TTC28: variants seen among roughly 807,000 people sequenced by gnomAD.
TTC28 encodes tetratricopeptide repeat domain 28.
TTC28 carries 61 observed loss-of-function variants against 198.0 expected under a neutral mutation model. The ratio of observed to expected loss-of-function variants is 0.31; its 90% confidence interval spans 0.25 to 0.38. The LOEUF (loss-of-function observed/expected upper bound fraction) is 0.38. TTC28 is among the 10% of genes least tolerant of loss of function. TTC28 has a pLI of 1.00. For missense variants in TTC28, 2,678 were observed against 3,164.0 expected (o/e 0.85, Z 3.69); for synonymous variants, 1,171 against 1,297.8 (o/e 0.90, Z 2.10).
chr22:28,268,406 G>A (rs1202349354), intron 5 of TTC28, among the ~76,000 whole-genome samples: 1 of 152,166 alleles, frequency 6.6e-6, no homozygotes, highest in Non-Finnish European at 1.5e-5. Context: ...CATGAGGTTA[G>A]GTAAAAATCT....
chr22:28,170,858 C>T (rs1367759369), intron 5 of TTC28, among the ~76,000 whole-genome samples: 1 of 152,082 alleles, frequency 6.6e-6, no homozygotes, highest in African/African-American at 2.4e-5. Flanking sequence ...CTCACCACCC[C>T]CTCTCAGGCT....
At chr22:28,400,764 T>A (rs977504720) in intron 2 of TTC28, among the ~76,000 whole-genome samples, 5 of 152,182 alleles carry the variant, frequency 3.3e-5, no homozygotes, top group African/African-American at 1.2e-4. Flanking sequence ...GCTAAAATAT[T>A]TAGGATAGCC....
intron 5 of TTC28, among the ~76,000 whole-genome samples, chr22:28,256,114 C>T (rs923563126): frequency 2.7e-5 from 4 of 150,760 alleles, no homozygotes; most frequent in African/African-American, 4.9e-5. Flanking sequence ...AAGGTTGAGG[C>T]CTTTTAAAAA....
intron 2 of TTC28, among the ~76,000 whole-genome samples, chr22:28,436,385 T>C (rs1485463677): frequency 6.6e-6 from 1 of 152,174 alleles, no homozygotes; most frequent in Non-Finnish European, 1.5e-5. Flanking sequence ...ACAGCTTCAG[T>C]ACAGGGCTAC....
intron 12 of TTC28, among the ~76,000 whole-genome samples, chr22:28,091,332 T>C (rs545663108): frequency 1.3e-5 from 2 of 152,278 alleles, no homozygotes; most frequent in East Asian, 3.9e-4. Context: ...AATCTAGATA[T>C]CTGGAAATTT....
intron 2 of TTC28, among the ~76,000 whole-genome samples, chr22:28,526,922 A>G (rs945022717): frequency 9.2e-5 from 14 of 151,754 alleles, no homozygotes; most frequent in Middle Eastern, 3.2e-3. Context: ...ATGCCTGGCT[A>G]ATTTTTGTAT....
In TTC28 at chr22:28,478,148, G is replaced by C. The variant is rs1448755685; in HGVS notation, c.381+151404C>G. Among the ~76,000 whole-genome samples, 3 of 152,212 alleles carry C rather than the reference G, an allele frequency of 2.0e-5. No individual in the cohort carries two copies. In the East Asian group the frequency reaches 5.8e-4, roughly 29 times the overall value. On this transcript the variant is annotated intron_variant, in intron 2 of 22. Transcript: ENST00000397906. ...CAAGTGGAAGTTTAAACATACACTAGACATTTGGTGATATTAAAGAACCAT... is the reference window on the plus strand; with the variant it reads ...CAAGTGGAAGTTTAAACATACACTACACATTTGGTGATATTAAAGAACCAT...
intron 6 of TTC28, among the ~76,000 whole-genome samples, chr22:28,137,616 T>A (rs1309542940): frequency 6.6e-6 from 1 of 152,008 alleles, no homozygotes; most frequent in Non-Finnish European, 1.5e-5. Context: ...TCTGCCTGCA[T>A]GAATAATCCA....
intron 5 of TTC28, among the ~76,000 whole-genome samples, chr22:28,263,083 C>A (rs1348267974): frequency 1.3e-5 from 2 of 152,048 alleles, no homozygotes; most frequent in East Asian, 1.9e-4. Context: ...TTTAAGAAAG[C>A]CCTAAAATTG....
At chr22:28,149,158 C>T (rs1290010058) in intron 6 of TTC28, among the ~76,000 whole-genome samples, 1 of 152,130 alleles carries the variant, frequency 6.6e-6, no homozygotes, top group Admixed American at 6.5e-5. Flanking sequence ...ACCTGTACAG[C>T]ATGTTGCTGT....
intron 2 of TTC28, among the ~76,000 whole-genome samples, chr22:28,564,105 T>C (rs1301645551): frequency 3.3e-5 from 5 of 152,106 alleles, no homozygotes; most frequent in Non-Finnish European, 5.9e-5. Context: ...AGAATGTAGA[T>C]TGGTGGTTGC....
At chr22:28,363,219 G>A (rs2046186408) in intron 2 of TTC28, among the ~76,000 whole-genome samples, 1 of 152,162 alleles carries the variant, frequency 6.6e-6, no homozygotes, top group Non-Finnish European at 1.5e-5. Context: ...TAGGGACTTA[G>A]TGCCCTGTGT....
intron 2 of TTC28, among the ~76,000 whole-genome samples, chr22:28,526,039 G>A (rs191952843): frequency 3.9e-5 from 6 of 152,284 alleles, no homozygotes; most frequent in African/African-American, 1.2e-4. Context: ...TTATAGTAAT[G>A]CTATCAACAA....
At chr22:28,420,489 TTTTG>T (rs1472117520) in intron 2 of TTC28, among the ~76,000 whole-genome samples, 1 of 151,800 alleles carries the variant, frequency 6.6e-6, no homozygotes, top group Non-Finnish European at 1.5e-5. Flanking sequence ...CTCTTTGACC[TTTTG>T]TTTCTTTTTT....
intron 2 of TTC28, among the ~76,000 whole-genome samples, chr22:28,588,016 C>T (rs1323406843): frequency 6.6e-6 from 1 of 151,656 alleles, no homozygotes; most frequent in Admixed American, 6.6e-5. Context: ...GTGGCAGGCG[C>T]CTGTAGTCCC....
At chr22:28,361,533 G>T (rs1171015692) in intron 2 of TTC28, among the ~76,000 whole-genome samples, 1 of 152,076 alleles carries the variant, frequency 6.6e-6, no homozygotes, top group Non-Finnish European at 1.5e-5. Context: ...GGTTTATGAG[G>T]TTTAAGGAAA....
intron 5 of TTC28, among the ~76,000 whole-genome samples, chr22:28,188,352 C>G (rs1924399254): frequency 6.6e-6 from 1 of 152,104 alleles, no homozygotes; most frequent in African/African-American, 2.4e-5. Flanking sequence ...GGAAACCAAA[C>G]TGCCTGCAAG....
intron 2 of TTC28, among the ~76,000 whole-genome samples, chr22:28,509,554 G>C (rs568443885): frequency 6.6e-6 from 1 of 152,178 alleles, no homozygotes; most frequent in Admixed American, 6.5e-5. Context: ...GAAATGTATA[G>C]TATTACATGC....
intron 14 of TTC28, among the ~76,000 whole-genome samples, chr22:28,013,647 A>T (rs1188544899): frequency 6.6e-6 from 1 of 152,156 alleles, no homozygotes; most frequent in Non-Finnish European, 1.5e-5. Flanking sequence ...CTCAGACAAG[A>T]TTCTAGGATG....
Sources: allele counts gnomAD v4.1 joint callset (sites outside exome capture counted in the v4.1 genomes callset), GRCh38; gene constraint gnomAD v4.1.1; transcripts MANE v1.5; gene names NCBI Gene and HGNC (gene_info 2026-07-23, HGNC 2026-07-21).